ARHGAP39: variants seen among roughly 807,000 people sequenced by gnomAD.
ARHGAP39 encodes Rho GTPase activating protein 39.
Under a neutral mutation model 106.9 loss-of-function variants are expected in ARHGAP39, and 44 were observed. The ratio of observed to expected loss-of-function variants is 0.41; its 90% CI spans 0.32 to 0.53. The LOEUF (loss-of-function observed/expected upper bound fraction) is 0.53, where lower values mean the gene tolerates loss of function less well. ARHGAP39 is among the 20% of genes least tolerant of loss of function. The pLI, the probability that ARHGAP39 is intolerant of heterozygous loss-of-function variation, is 0.21. For synonymous variants in ARHGAP39, 768 were observed against 693.2 expected (o/e 1.11, Z -1.69); for missense variants, 1,496 against 1,577.3 (o/e 0.95, Z 0.87).
the ARHGAP39 span, among the ~76,000 whole-genome samples, chr8:144,692,588 C>T: frequency 1.3e-5 from 2 of 152,116 alleles, no homozygotes; most frequent in Non-Finnish European, 2.9e-5. Context: ...GGGCTGTGGA[C>T]CGGCTTGCTC....
intron 2 of ARHGAP39, among the ~76,000 whole-genome samples, chr8:144,595,383 A>G (rs1819580627): frequency 6.6e-6 from 1 of 152,176 alleles, no homozygotes; most frequent in South Asian, 2.1e-4. Flanking sequence ...TGAATCCCAC[A>G]GGACACAAAG....
At chr8:144,656,155 T>C (rs1821686873) in intron 1 of ARHGAP39, among the ~76,000 whole-genome samples, 1 of 147,494 alleles carries the variant, frequency 6.8e-6, no homozygotes, top group Non-Finnish European at 1.5e-5. Flanking sequence ...AACTTGAATA[T>C]GTAAAATGTA....
intron 1 of ARHGAP39, among the ~76,000 whole-genome samples, chr8:144,635,567 G>C (rs538916616): frequency 4.6e-5 from 7 of 152,324 alleles, no homozygotes; most frequent in African/African-American, 1.4e-4. Flanking sequence ...ACCCAAGGAG[G>C]GGGTGTGGGA....
chr8:144,619,319 G>A (rs150274169), intron 1 of ARHGAP39, among the ~76,000 whole-genome samples: 94 of 152,372 alleles, frequency 6.2e-4, no homozygotes, highest in Middle Eastern at 3.4e-3. Context: ...CGAGAAGCGC[G>A]GGTCCCCATC....
At position 144,547,696 on chromosome 8, in the gene ARHGAP39, G is replaced by A; in HGVS notation, c.1390C>T (p.Pro464Ser). The change falls in exon 5 of 12, where the codon CCG becomes TCG. Residue 464 changes from proline to serine, a missense_variant. By Grantham distance (74) the Pro-to-Ser change is moderately conservative. Around this residue, in one of 4 missense-constraint regions of ARHGAP39, gnomAD observed 905 missense variants for 816.4 expected, o/e 1.11. Coordinates refer to ENST00000377307, the MANE Select transcript of ARHGAP39 (RefSeq NM_025251.3). The surrounding 1 kb of genome is among the most constrained non-coding windows in gnomAD (Gnocchi z 5.2). ...PELRHSQPPT[P>S]LPQAQEDAMS... ...GCATCCTCCTGGGCCTGTGGCAGCG[G>A]CGTGGGCGGCTGGCTGTGCCGCAGC... 1 of 1,584,792 alleles carries A rather than the reference G, an allele frequency of 6.3e-7. No homozygotes were observed. Among genetic ancestry groups the A allele is most frequent in the Non-Finnish European group, 8.5e-7 (1 of 1,171,516 alleles).
intron 3 of ARHGAP39, among the ~76,000 whole-genome samples, chr8:144,569,276 T>C (rs1490432034): frequency 1.3e-5 from 2 of 152,210 alleles, no homozygotes; most frequent in African/African-American, 4.8e-5. Context: ...TGTACCTAAC[T>C]ACAGAGCCTC....
At chr8:144,621,591 C>A (rs966599155) in intron 1 of ARHGAP39, among the ~76,000 whole-genome samples, 1 of 152,168 alleles carries the variant, frequency 6.6e-6, no homozygotes, top group East Asian at 1.9e-4. Context: ...CTGAGGCAGG[C>A]AGATTGCTTC....
At chr8:144,656,194 GAA>G (rs58292458) in intron 1 of ARHGAP39, among the ~76,000 whole-genome samples, 1,493 of 103,548 alleles carry the variant, frequency 0.014, 25 homozygotes, top group African/African-American at 0.045. Context: ...AGCAAATAAG[GAA>G]AAAAAAAAAA....
At chr8:144,542,006 G>A (rs1817214963) in intron 6 of ARHGAP39, among the ~76,000 whole-genome samples, 1 of 149,470 alleles carries the variant, frequency 6.7e-6, no homozygotes, top group East Asian at 1.9e-4. Context: ...TGGCTTCACT[G>A]CTGTTTTAGT....
At chr8:144,618,654 C>T (rs4333644) in intron 1 of ARHGAP39, among the ~76,000 whole-genome samples, 65,418 of 152,140 alleles carry the variant, frequency 0.43, 14,752 homozygotes, top group Admixed American at 0.54. Context: ...CCCCCTCTGC[C>T]GGGGCTGCCG....
intron 2 of ARHGAP39, among the ~76,000 whole-genome samples, chr8:144,589,045 C>T (rs1170682403): frequency 6.6e-6 from 1 of 152,198 alleles, no homozygotes; most frequent in Non-Finnish European, 1.5e-5. Flanking sequence ...ACCCAAGCGT[C>T]TGCATAAGGT....
chr8:144,571,990 CA>C (rs2130885409), intron 3 of ARHGAP39, among the ~76,000 whole-genome samples: 1 of 152,284 alleles, frequency 6.6e-6, no homozygotes, highest in African/African-American at 2.4e-5. Flanking sequence ...AGGACACAAA[CA>C]AATGGAAGAA....
intron 1 of ARHGAP39, among the ~76,000 whole-genome samples, chr8:144,626,667 C>T (rs1820924294): frequency 6.6e-6 from 1 of 152,258 alleles, no homozygotes; most frequent in Non-Finnish European, 1.5e-5. Context: ...ACACCACCAG[C>T]ATCTCTTCCT....
chr8:144,679,451 G>C lies in ARHGAP39; in HGVS notation c.-82+6235C>G, dbSNP rs1822332804. The stretch of plus-strand genomic sequence containing the variant: ...TCTGGAAATGAAGACTCTTGGAAAA[G>C]AGTCACAAGCAAACGAAACGCGGGC... On this transcript the variant is annotated intron_variant, in intron 1 of 11. Transcript: ENST00000377307. The surrounding 1 kb of genome is among the most constrained non-coding windows in gnomAD (Gnocchi z 4.7). Among the ~76,000 whole-genome samples, 1 of 152,336 alleles carries C rather than the reference G, an allele frequency of 6.6e-6. No individual in the cohort carries two copies. The highest frequency in any genetic ancestry group is 6.5e-5 in the Admixed American group (1 of 15,296).
intron 3 of ARHGAP39, among the ~76,000 whole-genome samples, chr8:144,562,999 T>C (rs990412072): frequency 6.6e-6 from 1 of 152,262 alleles, no homozygotes; most frequent in Non-Finnish European, 1.5e-5. Context: ...TTAGCCTCTA[T>C]CACTTGCTCT....
rs1172397813 is a variant in ARHGAP39, at chr8:144,562,199, C to T, written c.513-6556G>A. Among the ~76,000 whole-genome samples, 69 of 151,626 alleles carry T rather than the reference C, an allele frequency of 4.6e-4. 2 individuals are homozygous for T. The highest frequency in any genetic ancestry group is 1.6e-3 in the African/African-American group (66 of 41,162). ...TCCATCACATCCCAGTGGTTTCCAT[C>T]GGGCTCCAGTGGTTTCCATTGGACT... On this transcript the variant is annotated intron_variant, in intron 3 of 11. Coordinates refer to ENST00000377307, the MANE Select transcript of ARHGAP39 (RefSeq NM_025251.3).
At chr8:144,572,071 A>C (rs1818606348) in intron 3 of ARHGAP39, among the ~76,000 whole-genome samples, 1 of 152,208 alleles carries the variant, frequency 6.6e-6, no homozygotes, top group African/African-American at 2.4e-5. Context: ...TTATTTATAG[A>C]TTCAATGCCC....
chr8:144,572,755 T>C (rs979850125), intron 3 of ARHGAP39, among the ~76,000 whole-genome samples: 7 of 152,242 alleles, frequency 4.6e-5, no homozygotes, highest in African/African-American at 1.7e-4. Flanking sequence ...ATCCAGAATC[T>C]ACAAAGAACT....
intron 3 of ARHGAP39, among the ~76,000 whole-genome samples, chr8:144,562,353 T>C (rs971992909): frequency 3.3e-5 from 5 of 151,264 alleles, no homozygotes; most frequent in Non-Finnish European, 7.4e-5. Context: ...CACGCTCCAG[T>C]GGTTTCCATC....
Sources: allele counts gnomAD v4.1 joint callset (sites outside exome capture counted in the v4.1 genomes callset), GRCh38; gene constraint gnomAD v4.1.1; regional missense constraint gnomAD v4.1.1; non-coding constraint Gnocchi (gnomAD v3.1); transcripts MANE v1.5; gene names NCBI Gene and HGNC (gene_info 2026-07-23, HGNC 2026-07-21).